SOX5: variants seen among roughly 807,000 people sequenced by gnomAD.
SOX5 encodes the protein transcription factor SOX-5.
A neutral mutation model predicts 92.0 loss-of-function variants in SOX5; 9 were observed. That is an observed-to-expected ratio of 0.10 (90% CI 0.06 to 0.17). The LOEUF is 0.17. SOX5 is among the 10% of genes least tolerant of loss of function. The pLI is 1.00. For missense variants in SOX5, 642 were observed against 944.5 expected (o/e 0.68, Z 4.20); for synonymous variants, 344 against 336.3 (o/e 1.02, Z -0.25).
chr12:24,477,863 A>G (rs1221298534), intron 1 of SOX5, among the ~76,000 whole-genome samples: 1 of 152,108 alleles, frequency 6.6e-6, no homozygotes, highest in African/African-American at 2.4e-5. Context: ...ATTTACAAGC[A>G]CAGTTTCTTT....
rs554446816 is a variant in SOX5 at position 24,267,988 on chromosome 12, A to G, written c.-77+9228T>C. ...GTACAGAAGACCATTATATTCGTCC[A>G]GGCTAGGGTTTGAGGGCTGCCTCAA... On this transcript the variant is annotated intron_variant, in intron 3 of 4. Transcript: ENST00000446891. Among the ~76,000 whole-genome samples, 8 of 152,360 alleles carry G rather than the reference A, an allele frequency of 5.3e-5. No homozygotes were observed. In the South Asian group the frequency reaches 1.7e-3, roughly 32 times the overall value.
At chr12:23,570,927 AAAAATATATATATAT>A (rs1276843189) in intron 10 of SOX5, among the ~76,000 whole-genome samples, 17 of 24,482 alleles carry the variant, frequency 6.9e-4, no homozygotes, top group African/African-American at 2.8e-3. Flanking sequence ...AAAAAAAAAA[AAAAATATATATATAT>A]ATATATATAT....
chr12:24,557,475 G>T (rs1953919844), intron 1 of SOX5, among the ~76,000 whole-genome samples: 1 of 151,552 alleles, frequency 6.6e-6, no homozygotes, highest in East Asian at 1.9e-4. Context: ...TGTAAGTTCA[G>T]ATCTCTAAAT....
chr12:23,972,750 A>G (rs935865202), intron 4 of SOX5, among the ~76,000 whole-genome samples: 3 of 152,164 alleles, frequency 2.0e-5, no homozygotes, highest in African/African-American at 7.2e-5. Context: ...CTCTATGTGT[A>G]TATTGTGGAC....
intron 1 of SOX5, among the ~76,000 whole-genome samples, chr12:24,444,270 A>ATGTGTGTGTG (rs56206607): frequency 1.6e-3 from 233 of 149,242 alleles, no homozygotes; most frequent in Non-Finnish European, 2.0e-3. Flanking sequence ...AGGCCACTGA[A>ATGTGTGTGTG]TGTGTGTGTG....
intron 4 of SOX5, among the ~76,000 whole-genome samples, chr12:23,965,237 G>A (rs555333800): frequency 1.1e-4 from 16 of 152,330 alleles, no homozygotes; most frequent in African/African-American, 3.6e-4. Flanking sequence ...GTCCGGAACA[G>A]GTGGTCAAGG....
intron 1 of SOX5, among the ~76,000 whole-genome samples, chr12:23,923,646 T>A (rs1325362258): frequency 1.3e-5 from 2 of 152,126 alleles, no homozygotes; most frequent in African/African-American, 4.8e-5. Context: ...CAAAGAACAA[T>A]ACTTTTTATT....
intron 4 of SOX5, among the ~76,000 whole-genome samples, chr12:24,128,570 C>T (rs111929837): frequency 1.1e-4 from 17 of 152,178 alleles, no homozygotes; most frequent in African/African-American, 4.1e-4. Context: ...CGTGGTGAGG[C>T]AGATGTGAGA....
At position 23,831,317 on chromosome 12, in the gene SOX5, C is replaced by G. The variant is rs553246020; in HGVS notation, c.481+14666G>C. Reference sequence around the variant, plus strand: ...TAAATAATGAACAATGGATATGTTACTGTTTTGTTCATAAACATCCAGGAA... The same window carrying G: ...TAAATAATGAACAATGGATATGTTAGTGTTTTGTTCATAAACATCCAGGAA... On this transcript the variant is annotated intron_variant, in intron 3 of 14. Transcript: ENST00000451604. 4.6e-5 allele frequency among the ~76,000 whole-genome samples: 7 copies of G among 151,966 alleles called. No homozygotes were observed. In the South Asian group the frequency reaches 1.5e-3, roughly 32 times the overall value.
intron 2 of SOX5, among the ~76,000 whole-genome samples, chr12:23,856,216 T>G (rs1164698819): frequency 6.6e-6 from 1 of 152,128 alleles, no homozygotes; most frequent in African/African-American, 2.4e-5. Context: ...TCGTTCTTAA[T>G]GTAAAATATT....
intron 4 of SOX5, among the ~76,000 whole-genome samples, chr12:24,145,319 T>C (rs1341816711): frequency 1.3e-5 from 2 of 152,124 alleles, no homozygotes; most frequent in Admixed American, 6.5e-5. Context: ...TGCAAGATGG[T>C]AGATTTAAAT....
At chr12:24,001,921 A>C (rs1951648208) in intron 4 of SOX5, among the ~76,000 whole-genome samples, 1 of 152,230 alleles carries the variant, frequency 6.6e-6, no homozygotes, top group South Asian at 2.1e-4. Flanking sequence ...CTATGATCAC[A>C]TCATTGTACC....
intron 1 of SOX5, among the ~76,000 whole-genome samples, chr12:24,409,347 T>C (rs1004194452): frequency 6.6e-6 from 1 of 150,860 alleles, no homozygotes; most frequent in African/African-American, 2.4e-5. Flanking sequence ...GGGTGGGGAG[T>C]GAGGGGAGGG....
intron 1 of SOX5, among the ~76,000 whole-genome samples, chr12:23,925,178 A>G (rs1393032077): frequency 2.0e-5 from 3 of 152,110 alleles, no homozygotes; most frequent in African/African-American, 7.2e-5. Context: ...ATAAATCAGT[A>G]CAATGCTTTG....
intron 6 of SOX5, 33 bp downstream of exon 6, chr12:23,734,651 A>G (rs370489700): frequency 5.7e-5 from 84 of 1,474,878 alleles, no homozygotes; most frequent in African/African-American, 2.7e-4. Flanking sequence ...ATATTTTTTA[A>G]ATTGTAAGTA....
At chr12:23,853,388 A>G (rs534615027) in intron 2 of SOX5, among the ~76,000 whole-genome samples, 3 of 151,992 alleles carry the variant, frequency 2.0e-5, no homozygotes, top group Non-Finnish European at 2.9e-5. Context: ...ATAAATCACT[A>G]TCAGATTTAC....
chr12:23,928,557 AATTT>A (rs1231033998), intron 1 of SOX5, among the ~76,000 whole-genome samples: 12 of 151,834 alleles, frequency 7.9e-5, no homozygotes, highest in South Asian at 2.1e-4. Context: ...GAAAATTATA[AATTT>A]ATTTATTTTT....
At chr12:23,657,566 A>G (rs2082471740) in intron 7 of SOX5, among the ~76,000 whole-genome samples, 1 of 152,126 alleles carries the variant, frequency 6.6e-6, no homozygotes, top group Non-Finnish European at 1.5e-5. Context: ...TTTCCGTTGT[A>G]TTGTATCATG....
At chr12:24,186,615 GA>G (rs1337184621) in intron 4 of SOX5, among the ~76,000 whole-genome samples, 4 of 152,042 alleles carry the variant, frequency 2.6e-5, no homozygotes, top group Admixed American at 2.6e-4. Flanking sequence ...GGTACATATA[GA>G]AGATACTGTG....
Sources: allele counts gnomAD v4.1 joint callset (sites outside exome capture counted in the v4.1 genomes callset), GRCh38; gene constraint gnomAD v4.1.1; transcripts MANE v1.5; gene names NCBI Gene and HGNC (gene_info 2026-07-23, HGNC 2026-07-21).